Variants in FHIT observed in about 807,000 individuals in gnomAD.
FHIT encodes the protein fragile histidine triad diadenosine triphosphatase, also known as bis(5'-adenosyl)-triphosphatase.
A neutral mutation model predicts 17.9 loss-of-function variants in FHIT; 19 were observed. That is an observed-to-expected ratio of 1.06 (90% CI 0.74 to 1.56). The LOEUF (loss-of-function observed/expected upper bound fraction) is 1.56. Among genes scored for constraint, FHIT ranks in the 40% most tolerant of loss-of-function variants. The probability of loss-of-function intolerance (pLI) is 0.00; values close to 1 mark genes in which losing one functional copy is unlikely to be tolerated. For missense variants in FHIT, 248 were observed against 189.2 expected (o/e 1.31, Z -1.82); for synonymous variants, 81 against 69.7 (o/e 1.16, Z -0.81).
In FHIT at chr3:60,642,695, G is replaced by T. The variant is rs143342290; in HGVS notation, c.-17-105716C>A. Among the ~76,000 whole-genome samples the T allele has an allele frequency of 3.2e-3, 492 of 152,286 alleles. 2 individuals carry two copies. Among genetic ancestry groups the T allele is most frequent in the African/African-American group, 0.012 (479 of 41,580 alleles). ...TCATCACAGGTGGAAACAATCTCAA[G>T]ATCAGATGGGAGAGGAGTATCCTCT... On this transcript the variant is annotated intron_variant, in intron 4 of 9. Coordinates refer to ENST00000492590, the MANE Select transcript of FHIT (RefSeq NM_002012.4).
intron 4 of FHIT, among the ~76,000 whole-genome samples, chr3:60,750,425 C>T (rs2042442556): frequency 6.6e-6 from 1 of 152,126 alleles, no homozygotes; most frequent in South Asian, 2.1e-4. Context: ...ACAATTCCCA[C>T]ATGTTGTGGG....
chr3:60,121,051 C>A (rs147800277), intron 5 of FHIT, among the ~76,000 whole-genome samples: 2 of 152,234 alleles, frequency 1.3e-5, no homozygotes, highest in Admixed American at 1.3e-4. Flanking sequence ...ATTAAAGAAT[C>A]ATGAAATCTT....
chr3:60,266,867 G>A (rs1195803190), intron 5 of FHIT, among the ~76,000 whole-genome samples: 1 of 152,104 alleles, frequency 6.6e-6, no homozygotes, highest in Non-Finnish European at 1.5e-5. Flanking sequence ...GGCTAAGACA[G>A]TGATAAGTAT....
At chr3:60,005,167 C>T (rs576283663) in intron 7 of FHIT, among the ~76,000 whole-genome samples, 5 of 152,152 alleles carry the variant, frequency 3.3e-5, no homozygotes, top group African/African-American at 4.8e-5. Flanking sequence ...TCATCTCTTT[C>T]ACCTTAGCTG....
chr3:60,929,556 T>C (rs1553771097), intron 3 of FHIT, among the ~76,000 whole-genome samples: 2 of 151,156 alleles, frequency 1.3e-5, no homozygotes, highest in Admixed American at 1.3e-4. Flanking sequence ...CAAGCATTCT[T>C]ATATACCAAT....
intron 5 of FHIT, among the ~76,000 whole-genome samples, chr3:60,506,011 T>A (rs188134379): frequency 4.6e-5 from 7 of 152,318 alleles, no homozygotes; most frequent in Non-Finnish European, 7.3e-5. Context: ...GACTCCTCAT[T>A]TTGTGGCAAT....
At chr3:60,316,442 TATTC>T (rs1709169585) in intron 5 of FHIT, among the ~76,000 whole-genome samples, 1 of 152,294 alleles carries the variant, frequency 6.6e-6, no homozygotes, top group African/African-American at 2.4e-5. Flanking sequence ...CCTTAGAGCC[TATTC>T]ATTAAGCATT....
intron 7 of FHIT, among the ~76,000 whole-genome samples, chr3:59,923,211 C>A: frequency 9.3e-6 from 1 of 107,244 alleles, no homozygotes; most frequent in East Asian, 3.0e-4. Context: ...GGCGACAGAG[C>A]GAGACTCCTC....
intron 5 of FHIT, among the ~76,000 whole-genome samples, chr3:60,072,205 T>C (rs984009610): frequency 8.5e-5 from 13 of 152,136 alleles, no homozygotes; most frequent in African/African-American, 2.9e-4. Context: ...CACTCTTGCT[T>C]TAAGAGGAAT....
chr3:60,268,411 G>T (rs565771456), intron 5 of FHIT, among the ~76,000 whole-genome samples: 27 of 152,096 alleles, frequency 1.8e-4, no homozygotes, highest in Non-Finnish European at 3.8e-4. Context: ...CTTGTTTATG[G>T]CTGTATATCC....
intron 4 of FHIT, among the ~76,000 whole-genome samples, chr3:60,572,147 A>C (rs1158404684): frequency 6.6e-6 from 1 of 152,126 alleles, no homozygotes; most frequent in African/African-American, 2.4e-5. Context: ...TAATCAACCA[A>C]ATTAACAATT....
chr3:60,162,068 G>A (rs778421212), intron 5 of FHIT, among the ~76,000 whole-genome samples: 1 of 152,132 alleles, frequency 6.6e-6, no homozygotes, highest in East Asian at 1.9e-4. Context: ...TGTTAGAAAA[G>A]TATGGAAAGC....
At chr3:60,874,900 G>A (rs782358877) in intron 3 of FHIT, among the ~76,000 whole-genome samples, 2 of 152,128 alleles carry the variant, frequency 1.3e-5, no homozygotes, top group African/African-American at 2.4e-5. Context: ...CTTACTGGAC[G>A]TGTGACCTTG....
At chr3:60,099,944 G>A (rs1423873402) in intron 5 of FHIT, among the ~76,000 whole-genome samples, 1 of 152,166 alleles carries the variant, frequency 6.6e-6, no homozygotes. Context: ...TCACACAGTA[G>A]AAGTGCTCCG....
At chr3:60,118,081 T>A (rs1434130632) in intron 5 of FHIT, among the ~76,000 whole-genome samples, 1 of 152,288 alleles carries the variant, frequency 6.6e-6, no homozygotes, top group East Asian at 1.9e-4. Context: ...TAATCGTGAA[T>A]GTACAGCAAG....
At chr3:60,889,278 G>A (rs1319669765) in intron 3 of FHIT, among the ~76,000 whole-genome samples, 1 of 152,190 alleles carries the variant, frequency 6.6e-6, no homozygotes, top group Admixed American at 6.5e-5. Flanking sequence ...GGCAGCAGGG[G>A]CCATGTGCCT....
intron 5 of FHIT, among the ~76,000 whole-genome samples, chr3:60,402,796 G>T (rs982356905): frequency 6.6e-6 from 1 of 152,174 alleles, no homozygotes; most frequent in Non-Finnish European, 1.5e-5. Flanking sequence ...ATCAGTCACT[G>T]TATAGTCATT....
At chr3:61,188,823 G>C (rs1364491414) in intron 2 of FHIT, among the ~76,000 whole-genome samples, 1 of 151,926 alleles carries the variant, frequency 6.6e-6, no homozygotes, top group African/African-American at 2.4e-5. Flanking sequence ...CAGAACCAAA[G>C]ACAAAAACCA....
At chr3:60,646,767 GA>G (rs1553686841) in intron 4 of FHIT, among the ~76,000 whole-genome samples, 1 of 152,046 alleles carries the variant, frequency 6.6e-6, no homozygotes, top group African/African-American at 2.4e-5. Context: ...AAAAGTGGGG[GA>G]AAAAAGCAAA....
Sources: gnomAD v4.1 joint callset for allele counts (sites outside exome capture counted in the v4.1 genomes callset) on GRCh38, gnomAD v4.1.1 for gene constraint, MANE v1.5 for transcripts, NCBI Gene and HGNC (gene_info 2026-07-23, HGNC 2026-07-21) for gene names.